LRRC53: variants seen among roughly 807,000 people sequenced by gnomAD.
LRRC53 encodes the protein leucine-rich repeat-containing protein 53.
In LRRC53, 25 loss-of-function variants were observed where a neutral mutation model predicts 13.6. The observed-to-expected ratio is 1.83, with a 90% CI of 1.34 to 2.56. The LOEUF (loss-of-function observed/expected upper bound fraction) is 2.56, where lower values mean the gene tolerates loss of function less well. Among genes scored for constraint, LRRC53 ranks in the 30% most tolerant of loss-of-function variants. LRRC53 has a pLI of 0.00. For missense variants in LRRC53, 527 were observed against 275.8 expected (o/e 1.91, Z -6.45); for synonymous variants, 204 against 109.8 (o/e 1.86, Z -5.37).
chr1:74,526,932 T>C, the LRRC53 span, among the ~76,000 whole-genome samples: 1 of 152,246 alleles, frequency 6.6e-6, no homozygotes, highest in Non-Finnish European at 1.5e-5. Context: ...TCTATGTCTG[T>C]GTTTGCACTG....
chr1:74,518,121 G>A, the LRRC53 span, among the ~76,000 whole-genome samples: 2 of 152,150 alleles, frequency 1.3e-5, no homozygotes, highest in African/African-American at 2.4e-5. Context: ...AGGTTCCCAG[G>A]TAAGTCAAGA....
chr1:74,480,708 T>C lies in LRRC53; in HGVS notation c.349A>G (p.Asn117Asp). Residue 117 changes from asparagine (N) to aspartate (D), a missense_variant, in exon 3 of 5, where the codon AAT becomes GAT. Physicochemically the swap from Asn to Asp is conservative, Grantham distance 23. Transcript: ENST00000294635. ...HSLQVLVLSN[N>D]ALRTLRGSWF... ...GACCCTCGTAGGGTGCGGAGAGCAT[T>C]ATTGCTCAGCACCAGTACCTGCAGG... 1 of 717,442 alleles carries C rather than the reference T, an allele frequency of 1.4e-6. No individual in the cohort carries two copies. Among genetic ancestry groups the C allele is most frequent in the African/African-American group, 1.7e-5 (1 of 57,384 alleles). 44.4% of individuals were successfully genotyped at this position (717,442 alleles called of 1,614,324 possible).
At chr1:74,493,626 C>T (rs1300794896) in intron 1 of LRRC53, among the ~76,000 whole-genome samples, 2 of 152,174 alleles carry the variant, frequency 1.3e-5, no homozygotes, top group African/African-American at 2.4e-5. Flanking sequence ...TTATTTCTTG[C>T]TCACTTGTTT....
At chr1:74,478,148 C>T (rs1242804138) in intron 3 of LRRC53, among the ~76,000 whole-genome samples, 8 of 152,062 alleles carry the variant, frequency 5.3e-5, no homozygotes, top group Non-Finnish European at 1.2e-4. Flanking sequence ...GATAACTCAC[C>T]ACACGTGTGC....
rs960907690 is a variant in LRRC53, at chr1:74,472,047, A to G, written c.1575T>C (p.Ile525=). 1.5e-5 allele frequency: 11 copies of G among 711,714 alleles called. No individual in the cohort carries two copies. In the African/African-American group the frequency reaches 1.9e-4, roughly 13 times the overall value. The allele number at this position is 711,714 out of a possible 1,614,324, so 44.1% of individuals were successfully genotyped here. ...GLHPHRQRHF[I]TSSSSKPCEP... ...CACAAGGCTTGGATGATGAGCTTGT[A>G]ATAAAATGTCTTTGCCTATGAGGGT... Residue 525 remains isoleucine (I), a synonymous_variant, in exon 5 of 5, where the codon ATT becomes ATC. Transcript: ENST00000294635.
upstream of LRRC53, among the ~76,000 whole-genome samples, chr1:74,512,973 C>G (rs1225533197): frequency 6.6e-6 from 1 of 152,210 alleles, no homozygotes; most frequent in East Asian, 1.9e-4. Flanking sequence ...CTATAGACGA[C>G]TTTTGCCCTT....
intron 1 of LRRC53, among the ~76,000 whole-genome samples, chr1:74,511,902 G>T (rs1192579831): frequency 6.6e-6 from 1 of 152,140 alleles, no homozygotes. Context: ...AACAGCAAAG[G>T]GTTGAGTGTG....
At chr1:74,524,387 C>A in the LRRC53 span, among the ~76,000 whole-genome samples, 1 of 152,152 alleles carries the variant, frequency 6.6e-6, no homozygotes, top group African/African-American at 2.4e-5. Context: ...TGACACTGTG[C>A]GGACTCCAGG....
chr1:74,481,087 A>C, intron 2 of LRRC53, 119 bp from the exon 3 acceptor site: 4 of 582,692 alleles, frequency 6.9e-6, no homozygotes, highest in East Asian at 5.6e-5. Context: ...TAAAAACAAT[A>C]AACAATACAA....
rs146015238 is a variant in LRRC53, at chr1:74,483,939, C to T, written c.-26-564G>A. Among the ~76,000 whole-genome samples, 4 of 152,258 alleles carry T rather than the reference C, an allele frequency of 2.6e-5. 1 individual carries two copies. In the East Asian group the frequency reaches 5.8e-4, roughly 22 times the overall value. Reference sequence around the variant, plus strand: ...GTCAAGATTAAGCTCACAAGCTCTACTTAGCTTTGAATTCAGCTCTGTTTT... The same window carrying T: ...GTCAAGATTAAGCTCACAAGCTCTATTTAGCTTTGAATTCAGCTCTGTTTT... On this transcript the variant is annotated intron_variant, in intron 1 of 4. Coordinates refer to ENST00000294635, the MANE Select transcript of LRRC53 (RefSeq NM_001382280.1).
At chr1:74,494,476 G>A (rs1327669026) in intron 1 of LRRC53, among the ~76,000 whole-genome samples, 3 of 152,098 alleles carry the variant, frequency 2.0e-5, no homozygotes, top group Non-Finnish European at 4.4e-5. Flanking sequence ...TTGGATTTTA[G>A]TCTCTTGTAT....
chr1:74,502,659 CCTCT>C (rs1557611411), intron 1 of LRRC53, among the ~76,000 whole-genome samples: 1 of 152,172 alleles, frequency 6.6e-6, no homozygotes, highest in Non-Finnish European at 1.5e-5. Context: ...AACATACTTC[CCTCT>C]GTCTATGGCC....
Position 74,469,539 on chromosome 1 carries a change from T to C in LRRC53, c.*339A>G, listed in dbSNP as rs1314637507. The C allele has an allele frequency of 3.3e-5, 6 of 184,162 alleles. No homozygotes were observed. In the East Asian group the frequency reaches 8.2e-4, roughly 25 times the overall value. The allele number at this position is 184,162 out of a possible 1,614,324, so 11.4% of individuals were successfully genotyped here. A position where few individuals can be genotyped will look rare whatever the true frequency, so the allele number is the denominator to read the frequency against. On this transcript the variant is annotated 3_prime_UTR_variant, in exon 5 of 5. Transcript: ENST00000294635. ...AAATAAACATCAAATGTAAATCTGC[T>C]CAAATACTCTTCTTATGTAGTTTTT...
intron 1 of LRRC53, among the ~76,000 whole-genome samples, chr1:74,494,059 C>T (rs1489598847): frequency 6.6e-5 from 10 of 152,158 alleles, no homozygotes; most frequent in Non-Finnish European, 1.3e-4. Flanking sequence ...TTCATAGATA[C>T]CCTGAAGAGT....
chr1:74,488,614 A>G (rs1668885091), intron 1 of LRRC53, among the ~76,000 whole-genome samples: 1 of 152,164 alleles, frequency 6.6e-6, no homozygotes, highest in Non-Finnish European at 1.5e-5. Flanking sequence ...TTTGGAATAA[A>G]CTTTTTTTTA....
chr1:74,533,672 A>G, the LRRC53 span, among the ~76,000 whole-genome samples: 1,000 of 152,032 alleles, frequency 6.6e-3, 4 homozygotes, highest in Non-Finnish European at 0.011. Context: ...CAAATGTCCA[A>G]CAATGATAGA....
chr1:74,504,946 G>A (rs552055904), intron 1 of LRRC53, among the ~76,000 whole-genome samples: 4 of 152,248 alleles, frequency 2.6e-5, no homozygotes, highest in South Asian at 2.1e-4. Flanking sequence ...AAGATTCGCC[G>A]GAGGCAAACT....
chr1:74,530,772 A>C, the LRRC53 span, among the ~76,000 whole-genome samples: 2 of 151,564 alleles, frequency 1.3e-5, no homozygotes, highest in South Asian at 4.2e-4. Flanking sequence ...GAGGGATATG[A>C]AAGATTTTGC....
At chr1:74,519,643 A>G in the LRRC53 span, among the ~76,000 whole-genome samples, 2 of 152,134 alleles carry the variant, frequency 1.3e-5, no homozygotes, top group Non-Finnish European at 2.9e-5. Context: ...AGAGATAAAA[A>G]CTTCTAAGAA....
Sources: gnomAD v4.1 joint callset for allele counts (sites outside exome capture counted in the v4.1 genomes callset) on GRCh38, gnomAD v4.1.1 for gene constraint, MANE v1.5 for transcripts, NCBI Gene and HGNC (gene_info 2026-07-23, HGNC 2026-07-21) for gene names.